Variants in IGF2BP3 observed in about 807,000 individuals in gnomAD.
IGF2BP3 encodes insulin like growth factor 2 mRNA binding protein 3.
A neutral mutation model predicts 73.8 loss-of-function variants in IGF2BP3; 9 were observed. The ratio of observed to expected loss-of-function variants is 0.12; its 90% confidence interval spans 0.07 to 0.21. The LOEUF is 0.21. IGF2BP3 is among the 10% of genes least tolerant of loss of function. IGF2BP3 has a pLI of 1.00. For missense variants in IGF2BP3, 542 were observed against 714.0 expected, an observed-to-expected ratio of 0.76 and a Z score of 2.75; for synonymous variants, 258 against 256.7, an observed-to-expected ratio of 1.01 and a Z score of -0.05.
intron 3 of IGF2BP3, chr7:23,413,627 A>G (rs564450778): frequency 7.2e-5 from 11 of 152,264 alleles, no homozygotes; most frequent in African/African-American, 2.4e-4. Context: ...CCCTACCCTT[A>G]TCCATTTAAG....
intron 3 of IGF2BP3, among the ~76,000 whole-genome samples, chr7:23,398,741 C>T (rs1256405574): frequency 1.3e-5 from 2 of 152,118 alleles, no homozygotes; most frequent in Non-Finnish European, 2.9e-5. Context: ...ATATCCTTTG[C>T]CCACTTTTTG....
At position 23,346,749 on chromosome 7, in the gene IGF2BP3, C is replaced by T. The variant is rs187198604; in HGVS notation, c.819-687G>A. Among the ~76,000 whole-genome samples, 459 of 152,002 alleles carry T rather than the reference C, an allele frequency of 3.0e-3. 2 individuals carry two copies. The highest frequency in any genetic ancestry group is 0.01 in the African/African-American group (434 of 41,480). On this transcript the variant is annotated intron_variant, in intron 7 of 14. Coordinates refer to ENST00000258729, the MANE Select transcript of IGF2BP3 (RefSeq NM_006547.3). ...CTGGGACTACAGGCACATGCCACCA[C>T]GCTCATCTAATTCTTGTATTTTCAG...
In IGF2BP3 at chr7:23,420,681, C is replaced by T. The variant is rs527871859; in HGVS notation, c.237-1857G>A. On this transcript the variant is annotated intron_variant, in intron 2 of 14. Transcript: ENST00000258729. ...GAGAACAAACAAATACCACAGCTGCCATTGATCCCTTCGAGAACAACAAAG... is the reference window on the plus strand; with the variant it reads ...GAGAACAAACAAATACCACAGCTGCTATTGATCCCTTCGAGAACAACAAAG... 1.2e-4 allele frequency among the ~76,000 whole-genome samples: 19 copies of T among 152,248 alleles called. No individual in the cohort carries two copies. The South Asian group carries it at 3.9e-3, about 32-fold the overall frequency.
intron 12 of IGF2BP3, among the ~76,000 whole-genome samples, chr7:23,317,417 C>A (rs1041742293): frequency 6.6e-6 from 1 of 152,138 alleles, no homozygotes; most frequent in Non-Finnish European, 1.5e-5. Flanking sequence ...CAAAATTAAC[C>A]TTTGAGAGAC....
At chr7:23,421,846 G>A (rs994492522) in intron 2 of IGF2BP3, among the ~76,000 whole-genome samples, 2 of 151,964 alleles carry the variant, frequency 1.3e-5, no homozygotes, top group Non-Finnish European at 2.9e-5. Flanking sequence ...GTGCAGTGGC[G>A]TGGTCTTAGC....
intron 5 of IGF2BP3, among the ~76,000 whole-genome samples, chr7:23,354,600 A>G (rs1343068998): frequency 6.6e-6 from 1 of 152,232 alleles, no homozygotes. Flanking sequence ...TTCTAGAACC[A>G]TCTAAATAGT....
chr7:23,382,481 G>C (rs1333135970), intron 3 of IGF2BP3, among the ~76,000 whole-genome samples: 1 of 151,816 alleles, frequency 6.6e-6, no homozygotes, highest in East Asian at 1.9e-4. Context: ...TTTATAGACA[G>C]AAGCAGTAAA....
chr7:23,366,643 GA>G (rs1182120675), intron 3 of IGF2BP3, among the ~76,000 whole-genome samples: 2 of 151,662 alleles, frequency 1.3e-5, no homozygotes, highest in East Asian at 3.9e-4. Context: ...CCTAGCTGTG[GA>G]AAAAATTTAA....
intron 10 of IGF2BP3, among the ~76,000 whole-genome samples, chr7:23,330,482 C>A (rs1020599922): frequency 6.6e-6 from 1 of 151,930 alleles, no homozygotes; most frequent in Non-Finnish European, 1.5e-5. Context: ...GGTATGACTT[C>A]CTGTGAGTCA....
At chr7:23,442,201 C>G (rs1187253796) in intron 2 of IGF2BP3, among the ~76,000 whole-genome samples, 1 of 152,116 alleles carries the variant, frequency 6.6e-6, no homozygotes, top group Non-Finnish European at 1.5e-5. Context: ...TCCCTAGCAC[C>G]TAGGCATAAT....
intron 3 of IGF2BP3, among the ~76,000 whole-genome samples, chr7:23,412,955 G>A (rs1787075760): frequency 7.1e-6 from 1 of 139,958 alleles, no homozygotes; most frequent in Non-Finnish European, 1.5e-5. Context: ...CGCCTCCCGG[G>A]TTCAAGAGGT....
At chr7:23,373,722 GTCT>G (rs1785630575) in intron 3 of IGF2BP3, among the ~76,000 whole-genome samples, 4 of 152,194 alleles carry the variant, frequency 2.6e-5, no homozygotes, top group Admixed American at 2.6e-4. Context: ...TGAACATTGT[GTCT>G]TCTTCGAATC....
chr7:23,351,922 G>A (rs867683204), intron 5 of IGF2BP3, among the ~76,000 whole-genome samples: 69 of 152,248 alleles, frequency 4.5e-4, no homozygotes, highest in African/African-American at 1.6e-3. Flanking sequence ...GGTTACTAAC[G>A]GTTTAGGAAT....
intron 5 of IGF2BP3, among the ~76,000 whole-genome samples, chr7:23,355,255 T>C (rs1277354829): frequency 2.0e-5 from 3 of 151,488 alleles, no homozygotes; most frequent in Admixed American, 1.3e-4. Flanking sequence ...AGAGTCTCAC[T>C]TTTTTGCCCA....
At chr7:23,381,977 C>T (rs1019568648) in intron 3 of IGF2BP3, among the ~76,000 whole-genome samples, 2 of 152,294 alleles carry the variant, frequency 1.3e-5, no homozygotes, top group Non-Finnish European at 2.9e-5. Context: ...ACTATGTGAC[C>T]TGGTGCAGTG....
chr7:23,438,528 CACTA>C (rs1787856584), intron 2 of IGF2BP3, among the ~76,000 whole-genome samples: 1 of 129,432 alleles, frequency 7.7e-6, no homozygotes, highest in East Asian at 1.9e-4. Context: ...CAAATAAGTA[CACTA>C]ACTGACAAAA....
intron 10 of IGF2BP3, among the ~76,000 whole-genome samples, chr7:23,324,056 G>T (rs1415943761): frequency 6.6e-6 from 1 of 151,988 alleles, no homozygotes; most frequent in South Asian, 2.1e-4. Context: ...CAGAAGGCAA[G>T]AAATAACTAA....
At chr7:23,426,378 G>GA (rs972454465) in intron 2 of IGF2BP3, among the ~76,000 whole-genome samples, 3 of 129,562 alleles carry the variant, frequency 2.3e-5, no homozygotes, top group African/African-American at 5.8e-5. Flanking sequence ...TGGTTGGGGG[G>GA]AAAAAATTTA....
intron 12 of IGF2BP3, among the ~76,000 whole-genome samples, chr7:23,315,148 CAG>C (rs1562664659): frequency 6.6e-6 from 1 of 151,668 alleles, no homozygotes; most frequent in East Asian, 1.9e-4. Context: ...TTTTTAGAGA[CAG>C]AGTCTCTTTC....
Sources: gnomAD v4.1 joint callset for allele counts (sites outside exome capture counted in the v4.1 genomes callset) on GRCh38, gnomAD v4.1.1 for gene constraint, MANE v1.5 for transcripts, NCBI Gene and HGNC (gene_info 2026-07-23, HGNC 2026-07-21) for gene names.